The following MYT1L variants were observed in gnomAD, a reference collection of about 807,000 sequenced individuals.
MYT1L encodes the protein myelin transcription factor 1 like, also known as myelin transcription factor 1-like protein.
A neutral mutation model predicts 126.7 loss-of-function variants in MYT1L; 12 were observed. The ratio of observed to expected loss-of-function variants is 0.09; its 90% CI spans 0.06 to 0.15. The LOEUF (loss-of-function observed/expected upper bound fraction) is 0.15. MYT1L is among the 10% of genes least tolerant of loss of function. MYT1L has a pLI of 1.00. For synonymous variants in MYT1L, 541 were observed against 604.2 expected (o/e 0.90, Z 1.53); for missense variants, 979 against 1,585.2 (o/e 0.62, Z 6.49).
intron 2 of MYT1L, among the ~76,000 whole-genome samples, chr2:2,242,119 A>G (rs1230110860): frequency 6.6e-6 from 1 of 152,214 alleles, no homozygotes; most frequent in Non-Finnish European, 1.5e-5. Context: ...AAAAAATGTC[A>G]GAAGTACGAG....
chr2:2,014,806 C>T (rs961232804), intron 4 of MYT1L, among the ~76,000 whole-genome samples: 2 of 152,168 alleles, frequency 1.3e-5, no homozygotes, highest in Admixed American at 6.5e-5. Flanking sequence ...GGCAGGTTTC[C>T]GGGGAAGAAG....
At chr2:2,004,765 T>G (rs199969718) in intron 4 of MYT1L, among the ~76,000 whole-genome samples, 1,649 of 77,754 alleles carry the variant, frequency 0.021, 22 homozygotes, top group African/African-American at 0.13. Context: ...CTTTCCTGAA[T>G]ACGTTCTTTC....
rs183091560 is a variant in MYT1L, at chr2:2,284,170, A to G, written c.-421+234T>C. On this transcript the variant is annotated intron_variant, in intron 2 of 24. Transcript: ENST00000647738. Reference sequence around the variant, plus strand: ...TTATAGGTGATGCTTTCATCAGTATAAAGATATAAGAAAAAGTCATAGTTG... The same window carrying G: ...TTATAGGTGATGCTTTCATCAGTATGAAGATATAAGAAAAAGTCATAGTTG... Among the ~76,000 whole-genome samples the G allele has an allele frequency of 1.1e-3, 171 of 152,338 alleles. 1 individual carries two copies. The Middle Eastern group carries it at 0.02, about 18-fold the overall frequency.
At chr2:2,211,809 AAAAAAAAAAAAACCAAAC>A (rs1421606425) in intron 2 of MYT1L, among the ~76,000 whole-genome samples, 1 of 148,928 alleles carries the variant, frequency 6.7e-6, no homozygotes, top group African/African-American at 2.5e-5. Context: ...ATGTCAAAAA[AAAAAAAAAAAAACCAAAC>A]AAAAAAAAAA....
At chr2:2,000,483 A>G (rs2062257614) in intron 4 of MYT1L, among the ~76,000 whole-genome samples, 1 of 152,202 alleles carries the variant, frequency 6.6e-6, no homozygotes, top group African/African-American at 2.4e-5. Context: ...CTTGACAAGA[A>G]GAGTTGGCCT....
At chr2:1,957,315 A>G (rs573462195) in intron 8 of MYT1L, among the ~76,000 whole-genome samples, 1 of 152,296 alleles carries the variant, frequency 6.6e-6, no homozygotes, top group South Asian at 2.1e-4. Flanking sequence ...GGTTTTGGTT[A>G]CGTGCATTAA....
intron 3 of MYT1L, among the ~76,000 whole-genome samples, chr2:2,113,147 TA>T (rs1369081917): frequency 6.6e-6 from 1 of 152,176 alleles, no homozygotes; most frequent in Non-Finnish European, 1.5e-5. Context: ...AGTTGGGAAC[TA>T]ATGAAAAGTA....
At chr2:1,808,149 A>G (rs2036010606) in intron 22 of MYT1L, among the ~76,000 whole-genome samples, 1 of 152,122 alleles carries the variant, frequency 6.6e-6, no homozygotes, top group Non-Finnish European at 1.5e-5. Flanking sequence ...TAAATTACCC[A>G]GTCTCGGGTA....
chr2:1,923,049 G>A lies in MYT1L; in HGVS notation c.720C>T (p.Asn240=), dbSNP rs376523179. The A allele has an allele frequency of 3.6e-5, 58 of 1,613,824 alleles. No homozygotes were observed. Among genetic ancestry groups the A allele is most frequent in the African/African-American group, 2.0e-4 (15 of 74,896 alleles). ...SNSLEDDSDK[N]ENLGRKSELS... is the part of the protein sequence containing the mutation. Reference sequence around the variant, plus strand: ...ACTCACTTTTCCGACCCAGGTTTTCGTTTTTGTCACTATCGTCTTCCAGAC... The same window carrying A: ...ACTCACTTTTCCGACCCAGGTTTTCATTTTTGTCACTATCGTCTTCCAGAC... The change falls in exon 10 of 25, where the codon AAC becomes AAT. Residue 240 remains asparagine (N), a synonymous_variant. Coordinates refer to ENST00000647738, the MANE Select transcript of MYT1L (RefSeq NM_001303052.2).
In MYT1L at chr2:2,210,905, A is replaced by G. The variant is rs114255663; in HGVS notation, c.-420-37917T>C. 8.4e-3 allele frequency among the ~76,000 whole-genome samples: 1,282 copies of G among 152,148 alleles called. 32 individuals are homozygous for G. Among genetic ancestry groups the G allele is most frequent in the African/African-American group, 0.03 (1,261 of 41,532 alleles). ...TTTTGTTTCTTCAATTTTTTTTAAA[A>G]TCAGTGTTTTATAGTTTTTGTTGTA... On this transcript the variant is annotated intron_variant, in intron 2 of 24. Transcript: ENST00000647738.
At chr2:1,849,399 C>T (rs772582682) in intron 19 of MYT1L, among the ~76,000 whole-genome samples, 23 of 152,110 alleles carry the variant, frequency 1.5e-4, no homozygotes, top group South Asian at 2.1e-4. Context: ...TCTTGTTGGA[C>T]GGCGCGACTC....
intron 3 of MYT1L, among the ~76,000 whole-genome samples, chr2:2,084,937 G>C (rs1558961223): frequency 6.6e-6 from 1 of 152,156 alleles, no homozygotes; most frequent in Non-Finnish European, 1.5e-5. Context: ...ATGTGACAAA[G>C]CCCATCAGAG....
intron 3 of MYT1L, among the ~76,000 whole-genome samples, chr2:2,163,014 C>T (rs1237769039): frequency 6.6e-6 from 1 of 152,148 alleles, no homozygotes; most frequent in Non-Finnish European, 1.5e-5. Context: ...ATTACCACCC[C>T]ATTAGGTCTT....
intron 1 of MYT1L, among the ~76,000 whole-genome samples, chr2:2,329,418 A>G (rs1384708192): frequency 1.3e-5 from 2 of 152,160 alleles, no homozygotes; most frequent in African/African-American, 4.8e-5. Flanking sequence ...AAAGACAACA[A>G]CATAATCCTT....
At chr2:1,890,769 G>T (rs2048763857) in intron 15 of MYT1L, among the ~76,000 whole-genome samples, 1 of 152,160 alleles carries the variant, frequency 6.6e-6, no homozygotes, top group Admixed American at 6.5e-5. Flanking sequence ...GGGTCTAGCA[G>T]CTCTCTCCTC....
chr2:2,310,661 G>A (rs1192907548), intron 1 of MYT1L, among the ~76,000 whole-genome samples: 3 of 152,144 alleles, frequency 2.0e-5, no homozygotes, highest in African/African-American at 4.8e-5. Context: ...AGCCTGGCTT[G>A]ACATTGTGTC....
At chr2:2,105,918 T>C (rs897555492) in intron 3 of MYT1L, among the ~76,000 whole-genome samples, 8 of 152,226 alleles carry the variant, frequency 5.3e-5, no homozygotes, top group Admixed American at 1.3e-4. Context: ...GCTAAATATG[T>C]GTGATGCATT....
At chr2:1,807,760 A>G (rs1217450926) in intron 22 of MYT1L, among the ~76,000 whole-genome samples, 2 of 152,108 alleles carry the variant, frequency 1.3e-5, no homozygotes, top group Admixed American at 1.3e-4. Flanking sequence ...TGCTTTTGGA[A>G]ACAAAGGGCC....
At chr2:1,847,762 G>A (rs2042694649) in intron 19 of MYT1L, among the ~76,000 whole-genome samples, 1 of 152,208 alleles carries the variant, frequency 6.6e-6, no homozygotes. Context: ...TTGGTCAACA[G>A]GGCCTCTGTT....
Sources: allele counts gnomAD v4.1 joint callset (sites outside exome capture counted in the v4.1 genomes callset), GRCh38; gene constraint gnomAD v4.1.1; transcripts MANE v1.5; gene names NCBI Gene and HGNC (gene_info 2026-07-23, HGNC 2026-07-21).